Variants in GPC6 observed in about 807,000 individuals in gnomAD.
The protein encoded by GPC6 is glypican 6, also known as glypican-6.
A neutral mutation model predicts 55.2 loss-of-function variants in GPC6; 14 were observed. The ratio of observed to expected loss-of-function variants is 0.25; its 90% CI spans 0.17 to 0.40. The LOEUF is 0.40. Ranked by LOEUF, GPC6 falls within the 10% of genes least tolerant of loss-of-function variation. The pLI is 1.00. For missense variants in GPC6, 641 were observed against 708.5 expected (o/e 0.90, Z 1.08); for synonymous variants, 278 against 259.6 (o/e 1.07, Z -0.68).
At chr13:93,292,701 AATTAC>A (rs1165587657) in intron 1 of GPC6, among the ~76,000 whole-genome samples, 1 of 152,092 alleles carries the variant, frequency 6.6e-6, no homozygotes, top group Admixed American at 6.6e-5. Context: ...TAAAATACAC[AATTAC>A]TTTAAATGTA....
intron 2 of GPC6, among the ~76,000 whole-genome samples, chr13:93,713,737 T>A (rs996869553): frequency 6.6e-6 from 1 of 151,748 alleles, no homozygotes; most frequent in Non-Finnish European, 1.5e-5. Context: ...TGTTTAATAC[T>A]ACTTAATGTA....
At position 93,895,234 on chromosome 13, in the gene GPC6, G is replaced by GTGTATATATATA. The variant is rs1196315147; in HGVS notation, c.711+64690_711+64691insGTATATATATAT. Among the ~76,000 whole-genome samples, 23 of 108,216 alleles carry GTGTATATATATA rather than the reference G, an allele frequency of 2.1e-4. 1 individual carries two copies. Among genetic ancestry groups the GTGTATATATATA allele is most frequent in the Non-Finnish European group, 3.5e-4 (18 of 52,170 alleles). 71.0% of individuals were successfully genotyped at this position (108,216 alleles called of 152,430 possible). A position where few individuals can be genotyped will look rare whatever the true frequency, so the allele number is the denominator to read the frequency against. On this transcript the variant is annotated intron_variant, in intron 3 of 8. Transcript: ENST00000377047. The stretch of plus-strand genomic sequence containing the variant: ...TGTGTGTGTATGTATGTGTGTGTGT[G>GTGTATATATATA]TATATATATATATATATATATATAT...
At chr13:93,849,125 A>G (rs916110806) in intron 3 of GPC6, among the ~76,000 whole-genome samples, 1 of 152,132 alleles carries the variant, frequency 6.6e-6, no homozygotes, top group African/African-American at 2.4e-5. Context: ...CATTCCTCAG[A>G]GCAAGAACTA....
intron 1 of GPC6, among the ~76,000 whole-genome samples, chr13:93,275,199 G>T (rs1420589677): frequency 6.6e-6 from 1 of 152,200 alleles, no homozygotes; most frequent in African/African-American, 2.4e-5. Flanking sequence ...CTTATTGGGG[G>T]AAGACTGTTT....
At chr13:93,684,083 T>C (rs1280450604) in intron 2 of GPC6, among the ~76,000 whole-genome samples, 1 of 152,116 alleles carries the variant, frequency 6.6e-6, no homozygotes, top group Non-Finnish European at 1.5e-5. Flanking sequence ...CACAGGGGCA[T>C]AGGATTTAAT....
intron 1 of GPC6, among the ~76,000 whole-genome samples, chr13:93,369,039 T>C (rs558024147): frequency 5.9e-5 from 9 of 152,192 alleles, no homozygotes; most frequent in African/African-American, 1.7e-4. Context: ...TGAGTGGTGA[T>C]AGAAGTGCCT....
At chr13:93,401,526 T>A (rs1310413567) in intron 1 of GPC6, among the ~76,000 whole-genome samples, 1 of 145,768 alleles carries the variant, frequency 6.9e-6, no homozygotes. Flanking sequence ...TAGGTTGCAC[T>A]AAAAAAAAAA....
intron 6 of GPC6, among the ~76,000 whole-genome samples, chr13:94,334,632 T>C (rs900366424): frequency 3.9e-5 from 6 of 152,128 alleles, no homozygotes; most frequent in African/African-American, 1.4e-4. Flanking sequence ...AAACTCCAAG[T>C]GGGGCCCCAA....
In GPC6 at chr13:93,704,935, C is replaced by T. The variant is rs186714668; in HGVS notation, c.320-125219C>T. Among the ~76,000 whole-genome samples, 178 of 152,026 alleles carry T rather than the reference C, an allele frequency of 1.2e-3. 2 individuals carry two copies. In the South Asian group the frequency reaches 0.012, roughly 10 times the overall value. ...TGACACCAGGGCAGTCTGCTTGGAT[C>T]TTGTGTCCTACCATGTCATGTCCAT... On this transcript the variant is annotated intron_variant, in intron 2 of 8. Transcript: ENST00000377047.
chr13:94,331,065 T>C (rs1266184980), intron 6 of GPC6, among the ~76,000 whole-genome samples: 1 of 152,196 alleles, frequency 6.6e-6, no homozygotes, highest in Non-Finnish European at 1.5e-5. Context: ...ACATCAACTC[T>C]AACTGGCAGA....
intron 2 of GPC6, among the ~76,000 whole-genome samples, chr13:93,664,640 C>A (rs1881058091): frequency 6.9e-6 from 1 of 145,970 alleles, no homozygotes; most frequent in Non-Finnish European, 1.5e-5. Flanking sequence ...TGTTTTGAGA[C>A]AGAGTCTCAC....
intron 2 of GPC6, among the ~76,000 whole-genome samples, chr13:93,619,844 C>T (rs968823943): frequency 6.6e-6 from 1 of 152,000 alleles, no homozygotes; most frequent in Admixed American, 6.6e-5. Flanking sequence ...GAATGTACTT[C>T]CTATTTTTTT....
chr13:93,998,304 T>C (rs1362543216), intron 3 of GPC6, among the ~76,000 whole-genome samples: 4 of 152,188 alleles, frequency 2.6e-5, no homozygotes, highest in Non-Finnish European at 5.9e-5. Flanking sequence ...TGATTGTAAG[T>C]TTATATAATT....
chr13:93,442,618 C>T (rs1436257931), intron 1 of GPC6, among the ~76,000 whole-genome samples: 2 of 152,104 alleles, frequency 1.3e-5, no homozygotes, highest in Non-Finnish European at 1.5e-5. Context: ...CAGTATCTTC[C>T]AAGATGGATA....
At chr13:93,910,841 A>G (rs1262846244) in intron 3 of GPC6, among the ~76,000 whole-genome samples, 1 of 152,216 alleles carries the variant, frequency 6.6e-6, no homozygotes, top group Admixed American at 6.5e-5. Context: ...TTCAGGTAAG[A>G]CAAGCTCAGT....
At chr13:94,227,992 G>A (rs757138078) in intron 4 of GPC6, among the ~76,000 whole-genome samples, 4 of 152,212 alleles carry the variant, frequency 2.6e-5, no homozygotes, top group Non-Finnish European at 5.9e-5. Flanking sequence ...GCCTGCAAGT[G>A]AAGGGAACCA....
intron 6 of GPC6, among the ~76,000 whole-genome samples, chr13:94,369,452 T>A (rs951599943): frequency 9.2e-5 from 14 of 152,174 alleles, no homozygotes; most frequent in African/African-American, 3.1e-4. Context: ...AGAATTCACA[T>A]GGGATACAAA....
At chr13:93,220,661 A>G in the GPC6 span, among the ~76,000 whole-genome samples, 2 of 152,312 alleles carry the variant, frequency 1.3e-5, no homozygotes, top group South Asian at 2.1e-4. Context: ...TATGCAATAC[A>G]CTTTCCTAAT....
intron 4 of GPC6, among the ~76,000 whole-genome samples, chr13:94,059,554 C>T (rs1390903730): frequency 3.9e-5 from 6 of 151,938 alleles, no homozygotes; most frequent in Admixed American, 3.9e-4. Context: ...CTGGTTTCTC[C>T]TTAGTTTCTT....
Sources: allele counts gnomAD v4.1 joint callset (sites outside exome capture counted in the v4.1 genomes callset), GRCh38; gene constraint gnomAD v4.1.1; transcripts MANE v1.5; gene names NCBI Gene and HGNC (gene_info 2026-07-23, HGNC 2026-07-21).